Variants in MAP3K13 observed in about 807,000 individuals in gnomAD.
MAP3K13 encodes mitogen-activated protein kinase kinase kinase 13, also known as leucine zipper-bearing kinase.
A neutral mutation model predicts 104.0 loss-of-function variants in MAP3K13; 52 were observed. The ratio of observed to expected loss-of-function variants is 0.50; its 90% confidence interval spans 0.40 to 0.63. The LOEUF (loss-of-function observed/expected upper bound fraction) is 0.63, where lower values mean the gene tolerates loss of function less well. Ranked by LOEUF, MAP3K13 falls within the 20% of genes least tolerant of loss-of-function variation. MAP3K13 has a pLI of 0.00. For missense variants in MAP3K13, 914 were observed against 1,218.5 expected, an observed-to-expected ratio of 0.75 and a Z score of 3.72; for synonymous variants, 394 against 442.2, an observed-to-expected ratio of 0.89 and a Z score of 1.37.
intron 1 of MAP3K13, among the ~76,000 whole-genome samples, chr3:185,426,218 C>T (rs984576818): frequency 3.9e-5 from 6 of 152,078 alleles, no homozygotes; most frequent in African/African-American, 1.4e-4. Flanking sequence ...GTAGCTGGGA[C>T]TACAGGCATG....
At chr3:185,421,744 G>A (rs959803667) in intron 1 of MAP3K13, among the ~76,000 whole-genome samples, 14 of 152,184 alleles carry the variant, frequency 9.2e-5, no homozygotes, top group African/African-American at 3.4e-4. Flanking sequence ...AAGACAGCCA[G>A]AGATAGTGGA....
intron 1 of MAP3K13, among the ~76,000 whole-genome samples, chr3:185,427,803 G>A (rs1309674696): frequency 6.6e-6 from 1 of 152,154 alleles, no homozygotes; most frequent in African/African-American, 2.4e-5. Flanking sequence ...GATAGGCCGG[G>A]CACGGTGGCT....
intron 9 of MAP3K13, 39 bp from the exon 10 acceptor site, chr3:185,466,787 T>G: frequency 6.2e-7 from 1 of 1,612,726 alleles, no homozygotes; most frequent in Non-Finnish European, 8.5e-7. Flanking sequence ...CCTTTCTGTC[T>G]GCAATGACTG....
At chr3:185,395,435 T>TTTG (rs1712339676) in intron 1 of MAP3K13, among the ~76,000 whole-genome samples, 1 of 83,024 alleles carries the variant, frequency 1.2e-5, no homozygotes, top group African/African-American at 4.3e-5. Flanking sequence ...CTCGGCTCAC[T>TTTG]GCAAGCTCCG....
In MAP3K13 at chr3:185,405,679, GTC is replaced by G. The variant is rs1713074524; in HGVS notation, c.-85-22814_-85-22813del. 4.6e-5 allele frequency among the ~76,000 whole-genome samples: 7 copies of G among 152,302 alleles called. No individual in the cohort carries two copies. The South Asian group carries it at 1.5e-3, about 32-fold the overall frequency. ...CAAGGCCTCACTTTCTTGCTCAAAT[GTC>G]TCTTTTTCTGTGAAGTTTTCTCTGG... On this transcript the variant is annotated intron_variant, in intron 1 of 13. Transcript: ENST00000265026.
chr3:185,345,881 G>A (rs1027299231), intron 2 of MAP3K13, among the ~76,000 whole-genome samples: 5 of 116,970 alleles, frequency 4.3e-5, no homozygotes, highest in Admixed American at 1.0e-4. Flanking sequence ...TCATGAAACC[G>A]GTCCCTGGTG....
chr3:185,314,481 T>G (rs1322824837), intron 2 of MAP3K13, among the ~76,000 whole-genome samples: 1 of 152,000 alleles, frequency 6.6e-6, no homozygotes, highest in African/African-American at 2.4e-5. Context: ...CTGGGCATCG[T>G]GATGCATGCC....
At chr3:185,357,290 CAA>C (rs993428909) in intron 2 of MAP3K13, among the ~76,000 whole-genome samples, 1 of 150,298 alleles carries the variant, frequency 6.7e-6, no homozygotes, top group Admixed American at 6.6e-5. Flanking sequence ...ACTAAAAATA[CAA>C]AAAAAATTAG....
chr3:185,370,402 G>T (rs1270512301), intron 1 of MAP3K13, among the ~76,000 whole-genome samples: 1 of 152,066 alleles, frequency 6.6e-6, no homozygotes, highest in African/African-American at 2.4e-5. Context: ...CACCATGTTG[G>T]CCAGGCTGGT....
chr3:185,356,623 C>A lies in MAP3K13; in HGVS notation c.-86+70980C>A, dbSNP rs28516909. Among the ~76,000 whole-genome samples, 1,119 of 152,332 alleles carry A rather than the reference C, an allele frequency of 7.3e-3. 9 individuals carry two copies. Among genetic ancestry groups the A allele is most frequent in the African/African-American group, 0.025 (1,023 of 41,568 alleles). ...TGATGAAACAAATGTTCAGCCCCCACCCAGCCAATAGTTGTCAAACATCCT... is the reference window on the plus strand; with the variant it reads ...TGATGAAACAAATGTTCAGCCCCCAACCAGCCAATAGTTGTCAAACATCCT... On this transcript the variant is annotated intron_variant, in intron 2 of 14. Coordinates refer to the MAP3K13 transcript ENST00000424227.
At chr3:185,314,269 C>T (rs1182884600) in intron 2 of MAP3K13, among the ~76,000 whole-genome samples, 1 of 152,124 alleles carries the variant, frequency 6.6e-6, no homozygotes, top group Non-Finnish European at 1.5e-5. Context: ...GATTATACCG[C>T]AATACATGAA....
intron 2 of MAP3K13, among the ~76,000 whole-genome samples, chr3:185,307,025 G>A (rs1318986187): frequency 2.0e-5 from 3 of 152,110 alleles, no homozygotes; most frequent in Non-Finnish European, 4.4e-5. Flanking sequence ...TCTCTCGTCT[G>A]CAGTGTTTCT....
At chr3:185,472,857 G>GA (rs1168944746) in intron 10 of MAP3K13, 118 bp from the exon 11 acceptor site, 1 of 936,966 alleles carries the variant, frequency 1.1e-6, no homozygotes, top group Admixed American at 2.4e-5. Flanking sequence ...ATCTCTATTG[G>GA]ATAAATCCTG....
intron 7 of MAP3K13, among the ~76,000 whole-genome samples, chr3:185,461,102 T>C (rs1717073181): frequency 6.6e-6 from 1 of 152,220 alleles, no homozygotes; most frequent in Admixed American, 6.5e-5. Flanking sequence ...GACTTTGATC[T>C]GATGATTGAG....
At chr3:185,375,154 T>C (rs1410899707) in intron 1 of MAP3K13, among the ~76,000 whole-genome samples, 1 of 152,086 alleles carries the variant, frequency 6.6e-6, no homozygotes, top group African/African-American at 2.4e-5. Context: ...AACCGAGGAA[T>C]TATGTCTGAC....
At chr3:185,304,467 A>G (rs1721210216) in intron 2 of MAP3K13, among the ~76,000 whole-genome samples, 1 of 152,156 alleles carries the variant, frequency 6.6e-6, no homozygotes, top group East Asian at 1.9e-4. Flanking sequence ...CAGTCTGTCA[A>G]TGTTTCCTTT....
At chr3:185,309,512 C>CAAAA (rs66889332) in intron 2 of MAP3K13, among the ~76,000 whole-genome samples, 11 of 105,702 alleles carry the variant, frequency 1.0e-4, no homozygotes, top group African/African-American at 1.4e-4. Flanking sequence ...CCTTGTCTCA[C>CAAAA]AAAAAAAAAA....
At position 185,482,811 on chromosome 3, in the gene MAP3K13, C is replaced by CAAA. The variant is rs3834186; in HGVS notation, c.*364_*366dup. 1.0e-4 allele frequency: 20 copies of CAAA among 197,658 alleles called. No individual in the cohort carries two copies. The highest frequency in any genetic ancestry group is 3.8e-4 in the African/African-American group (15 of 39,296). The allele number at this position is 197,658 out of a possible 1,614,324, so 12.2% of individuals were successfully genotyped here. A position where few individuals can be genotyped will look rare whatever the true frequency, so the allele number is the denominator to read the frequency against. ...GAGATAGAGAGACAATAATTTCTTG[C>CAAA]AAAAAAAAAAAGAGATAAAAGAAAG... On this transcript the variant is annotated 3_prime_UTR_variant, in exon 14 of 14. Transcript: ENST00000265026. This position sits in a 1 kb window ranked among gnomAD's most constrained non-coding sequence, Gnocchi z 4.5.
chr3:185,447,648 T>C, intron 4 of MAP3K13, 141 bp from the exon 5 acceptor site: 1 of 613,582 alleles, frequency 1.6e-6, no homozygotes, highest in Non-Finnish European at 2.8e-6. Flanking sequence ...GTATAGCCAA[T>C]GCCCCAGTGA....
Sources: allele counts gnomAD v4.1 joint callset (sites outside exome capture counted in the v4.1 genomes callset), GRCh38; gene constraint gnomAD v4.1.1; non-coding constraint Gnocchi (gnomAD v3.1); transcripts MANE v1.5; gene names NCBI Gene and HGNC (gene_info 2026-07-23, HGNC 2026-07-21).